Variants in IQCJ observed in about 807,000 individuals in gnomAD.
The protein encoded by IQCJ is IQ motif containing J.
In IQCJ, 9 loss-of-function variants were observed where a neutral mutation model predicts 11.0. The ratio of observed to expected loss-of-function variants is 0.82; its 90% CI spans 0.49 to 1.43. The LOEUF is 1.43. IQCJ is among the 40% of genes most tolerant of loss of function. IQCJ has a pLI of 0.00. For synonymous variants in IQCJ, 55 were observed against 51.3 expected, an observed-to-expected ratio of 1.07 and a Z score of -0.31; for missense variants, 146 against 133.2, an observed-to-expected ratio of 1.10 and a Z score of -0.47.
intron 2 of IQCJ, among the ~76,000 whole-genome samples, chr3:159,251,855 A>G (rs17795417): frequency 0.13 from 19,091 of 152,130 alleles, 1,321 homozygotes; most frequent in African/African-American, 0.14. Context: ...TCAGCTGTAC[A>G]GTGGGGAAAG....
In IQCJ at chr3:159,114,313, G is replaced by GTTTTT. The variant is rs548777411; in HGVS notation, c.9+44881_9+44885dup. On this transcript the variant is annotated intron_variant, in intron 1 of 3. Transcript: ENST00000397832. ...CACACAAGACTTCTTGTTTCTAAAT[G>GTTTTT]TTTTTTTTTTTTTCTGAGACGTAGT... is the stretch of plus-strand genomic sequence containing the variant. 5.6e-5 allele frequency among the ~76,000 whole-genome samples: 8 copies of GTTTTT among 143,052 alleles called. 1 individual carries two copies. The highest frequency in any genetic ancestry group is 1.3e-4 in the African/African-American group (5 of 38,656). The allele number at this position is 143,052 out of a possible 152,430, so 93.8% of individuals were successfully genotyped here.
intron 1 of IQCJ, among the ~76,000 whole-genome samples, chr3:159,227,927 T>G (rs1725956855): frequency 6.6e-6 from 1 of 152,164 alleles, no homozygotes; most frequent in Admixed American, 6.5e-5. Flanking sequence ...AGCAAGACAA[T>G]TTAATGTAAA....
intron 1 of IQCJ, among the ~76,000 whole-genome samples, chr3:159,168,799 G>A (rs905683039): frequency 6.6e-6 from 1 of 151,102 alleles, no homozygotes; most frequent in African/African-American, 2.5e-5. Context: ...ACACTTTTAA[G>A]CCATATGTTA....
At chr3:159,071,592 A>G (rs1459885966) in intron 1 of IQCJ, among the ~76,000 whole-genome samples, 1 of 152,100 alleles carries the variant, frequency 6.6e-6, no homozygotes, top group East Asian at 1.9e-4. Context: ...TTACTTTTGA[A>G]GTCAATTATT....
chr3:159,137,514 A>G (rs938708558), intron 1 of IQCJ, among the ~76,000 whole-genome samples: 3 of 152,198 alleles, frequency 2.0e-5, no homozygotes, highest in African/African-American at 4.8e-5. Context: ...TGTCAGATTC[A>G]TCATAAGACA....
chr3:159,188,861 T>C (rs10936173), intron 1 of IQCJ, among the ~76,000 whole-genome samples: 23,581 of 152,176 alleles, frequency 0.15, 2,111 homozygotes, highest in Admixed American at 0.21. Flanking sequence ...AGCTGACTTT[T>C]GTATTCTCAG....
chr3:159,122,999 TC>T (rs1316383765), intron 1 of IQCJ, among the ~76,000 whole-genome samples: 2 of 152,224 alleles, frequency 1.3e-5, no homozygotes, highest in African/African-American at 4.8e-5. Flanking sequence ...GCAGCATTTA[TC>T]TCGGTCAGTC....
intron 1 of IQCJ, among the ~76,000 whole-genome samples, chr3:159,193,852 G>T (rs936019474): frequency 2.6e-5 from 4 of 152,146 alleles, no homozygotes; most frequent in Admixed American, 6.5e-5. Flanking sequence ...ACCTCATGAT[G>T]TCTGGCTTAT....
At chr3:159,204,281 C>T (rs1577079068) in intron 1 of IQCJ, among the ~76,000 whole-genome samples, 1 of 152,226 alleles carries the variant, frequency 6.6e-6, no homozygotes, top group East Asian at 1.9e-4. Flanking sequence ...GCTCCGATGG[C>T]TCAAATAACT....
intron 1 of IQCJ, among the ~76,000 whole-genome samples, chr3:159,111,845 G>A (rs1425523119): frequency 6.6e-6 from 1 of 152,190 alleles, no homozygotes; most frequent in Non-Finnish European, 1.5e-5. Context: ...ATTTGTTTTA[G>A]TGTGATGCTT....
chr3:159,138,822 A>G (rs1478264461), intron 1 of IQCJ, among the ~76,000 whole-genome samples: 1 of 152,198 alleles, frequency 6.6e-6, no homozygotes, highest in African/African-American at 2.4e-5. Flanking sequence ...GATACACTTA[A>G]TCTGGTATTT....
intron 1 of IQCJ, among the ~76,000 whole-genome samples, chr3:159,165,721 C>A (rs1324011122): frequency 2.0e-5 from 3 of 150,784 alleles, no homozygotes; most frequent in African/African-American, 7.3e-5. Flanking sequence ...TCAAGCAATT[C>A]TCCTGCCTCA....
rs181235602 is a variant in IQCJ, at chr3:159,112,677, G to T, written c.9+43236G>T. On this transcript the variant is annotated intron_variant, in intron 1 of 3. Coordinates refer to ENST00000397832, the MANE Select transcript of IQCJ (RefSeq NM_001042706.3). Reference sequence around the variant, plus strand: ...GATGCTGACCGTAGCCTCGCACACCGTTTCGTTGGGGGCTTTGGGGAGCAG... The same window carrying T: ...GATGCTGACCGTAGCCTCGCACACCTTTTCGTTGGGGGCTTTGGGGAGCAG... Among the ~76,000 whole-genome samples the T allele has an allele frequency of 4.6e-5, 7 of 152,250 alleles. No homozygotes were observed. The East Asian group carries it at 1.4e-3, about 29-fold the overall frequency.
rs574949937 is a variant in IQCJ at position 159,093,280 on chromosome 3, A to T, written c.9+23839A>T. On this transcript the variant is annotated intron_variant, in intron 1 of 3. Coordinates refer to ENST00000397832, the MANE Select transcript of IQCJ (RefSeq NM_001042706.3). ...TTTAGTGTTTTCCTTGTTTCCAGCC[A>T]GCCTTTGCCTGAAAATGAATCTACC... is the stretch of plus-strand genomic sequence containing the variant. 5.9e-5 allele frequency among the ~76,000 whole-genome samples: 9 copies of T among 151,984 alleles called. No homozygotes were observed. The South Asian group carries it at 1.9e-3, about 31-fold the overall frequency.
downstream of IQCJ, chr3:159,266,125 G>T (rs1728478904): frequency 6.6e-6 from 1 of 152,170 alleles, no homozygotes; most frequent in Non-Finnish European, 1.5e-5. Flanking sequence ...TACAAAGAAA[G>T]ACACTATTAT....
At chr3:159,182,854 T>A (rs547690628) in intron 1 of IQCJ, among the ~76,000 whole-genome samples, 2 of 151,714 alleles carry the variant, frequency 1.3e-5, no homozygotes, top group South Asian at 2.1e-4. Context: ...CAGGGGTCAA[T>A]CTTTAACTAC....
intron 1 of IQCJ, among the ~76,000 whole-genome samples, chr3:159,194,487 T>C (rs1466613058): frequency 6.6e-6 from 1 of 152,180 alleles, no homozygotes; most frequent in Non-Finnish European, 1.5e-5. Flanking sequence ...TCTATAACAA[T>C]ATCTCCTACA....
At chr3:159,158,719 A>G (rs1027729098) in intron 1 of IQCJ, among the ~76,000 whole-genome samples, 1 of 152,204 alleles carries the variant, frequency 6.6e-6, no homozygotes, top group Non-Finnish European at 1.5e-5. Flanking sequence ...AATTGGCAGT[A>G]CCTGTGACTT....
intron 1 of IQCJ, among the ~76,000 whole-genome samples, chr3:159,113,642 T>C (rs569662813): frequency 3.9e-4 from 59 of 152,340 alleles, no homozygotes; most frequent in African/African-American, 1.3e-3. Flanking sequence ...GGCACCTTAG[T>C]GTAACAGGCT....
Sources: allele counts gnomAD v4.1 joint callset (sites outside exome capture counted in the v4.1 genomes callset), GRCh38; gene constraint gnomAD v4.1.1; transcripts MANE v1.5; gene names NCBI Gene and HGNC (gene_info 2026-07-23, HGNC 2026-07-21).